Variants in COL21A1 observed in about 807,000 individuals in gnomAD.
The protein encoded by COL21A1 is collagen type XXI alpha 1 chain.
In COL21A1, 149 loss-of-function variants were observed where a neutral mutation model predicts 137.9. That is an observed-to-expected ratio of 1.08 (90% CI 0.95 to 1.24). The LOEUF is 1.24. Among genes scored for constraint, COL21A1 ranks in the 50% most tolerant of loss-of-function variants. COL21A1 has a pLI of 0.00. For missense variants in COL21A1, 1,167 were observed against 1,158.4 expected, an observed-to-expected ratio of 1.01 and a Z score of -0.11; for synonymous variants, 456 against 391.5, an observed-to-expected ratio of 1.16 and a Z score of -1.95.
chr6:56,225,227 C>T (rs1781113079), intron 1 of COL21A1, among the ~76,000 whole-genome samples: 1 of 152,038 alleles, frequency 6.6e-6, no homozygotes, highest in Non-Finnish European at 1.5e-5. Context: ...CTAAAGCAAA[C>T]AACTGCCCCT....
At chr6:56,269,563 G>A (rs1459425769) in intron 1 of COL21A1, among the ~76,000 whole-genome samples, 6 of 149,330 alleles carry the variant, frequency 4.0e-5, no homozygotes, top group African/African-American at 1.5e-4. Context: ...GCTGAGGCAG[G>A]AGAATGGCGT....
intron 1 of COL21A1, among the ~76,000 whole-genome samples, chr6:56,345,353 T>C (rs1267937572): frequency 7.0e-6 from 1 of 142,402 alleles, no homozygotes; most frequent in East Asian, 3.5e-4. Flanking sequence ...TACCCATTTG[T>C]TGAGGGTCTA....
At chr6:56,198,585 G>A (rs112885182) in intron 1 of COL21A1, among the ~76,000 whole-genome samples, 434 of 152,084 alleles carry the variant, frequency 2.9e-3, no homozygotes, top group Non-Finnish European at 4.4e-3. Context: ...GGCCAACAAG[G>A]CCTGCAGCAC....
intron 27 of COL21A1, 183 bp from the exon 28 acceptor site, chr6:56,060,401 T>C: frequency 5.2e-6 from 3 of 577,658 alleles, no homozygotes; most frequent in Non-Finnish European, 5.8e-6. Flanking sequence ...TGTGCGGTAA[T>C]TTTATTAGAG....
chr6:56,168,901 C>A (rs1043480307), intron 5 of COL21A1, among the ~76,000 whole-genome samples: 3 of 151,998 alleles, frequency 2.0e-5, no homozygotes, highest in Non-Finnish European at 4.4e-5. Context: ...GCCTGTACCT[C>A]TCCTATGTGT....
At chr6:56,104,730 C>T (rs1047749473) in intron 16 of COL21A1, among the ~76,000 whole-genome samples, 1 of 151,996 alleles carries the variant, frequency 6.6e-6, no homozygotes, top group African/African-American at 2.4e-5. Context: ...CTACAGCTAA[C>T]GTCAAAAATG....
At chr6:56,147,645 G>A (rs1774938149) in intron 10 of COL21A1, among the ~76,000 whole-genome samples, 1 of 151,532 alleles carries the variant, frequency 6.6e-6, no homozygotes, top group African/African-American at 2.4e-5. Flanking sequence ...CAATAACATT[G>A]GTGTGTATAT....
At chr6:56,128,708 G>A (rs923590316) in intron 12 of COL21A1, among the ~76,000 whole-genome samples, 1 of 152,200 alleles carries the variant, frequency 6.6e-6, no homozygotes, top group Non-Finnish European at 1.5e-5. Context: ...AGGCTGGAGT[G>A]AAGTGGTGTG....
chr6:56,150,799 T>G (rs1582491430), intron 10 of COL21A1, among the ~76,000 whole-genome samples: 1 of 152,280 alleles, frequency 6.6e-6, no homozygotes, highest in Non-Finnish European at 1.5e-5. Context: ...GGAACCATCT[T>G]CTCATTTTCC....
At chr6:56,287,741 T>C (rs925096504) in intron 1 of COL21A1, among the ~76,000 whole-genome samples, 5 of 152,090 alleles carry the variant, frequency 3.3e-5, no homozygotes, top group African/African-American at 4.8e-5. Flanking sequence ...GGAAATAAGA[T>C]TTCTAATCAA....
intron 1 of COL21A1, among the ~76,000 whole-genome samples, chr6:56,364,303 A>G (rs1766047769): frequency 6.6e-6 from 1 of 152,182 alleles, no homozygotes; most frequent in African/African-American, 2.4e-5. Flanking sequence ...ACCTTTCAGA[A>G]AAGAGGCAGG....
At chr6:56,255,893 G>T (rs1344332349) in intron 1 of COL21A1, among the ~76,000 whole-genome samples, 2 of 152,142 alleles carry the variant, frequency 1.3e-5, no homozygotes, top group African/African-American at 4.8e-5. Context: ...GCACAGGATG[G>T]GCTCCATAGG....
At chr6:56,379,165 C>A (rs912085211) in intron 1 of COL21A1, among the ~76,000 whole-genome samples, 11 of 152,202 alleles carry the variant, frequency 7.2e-5, no homozygotes, top group African/African-American at 2.7e-4. Flanking sequence ...CTTCAACGCC[C>A]AGACACAGAT....
At chr6:56,070,228 T>G (rs1766624818) in intron 21 of COL21A1, among the ~76,000 whole-genome samples, 1 of 151,546 alleles carries the variant, frequency 6.6e-6, no homozygotes, top group Non-Finnish European at 1.5e-5. Flanking sequence ...AAAGGAGGCT[T>G]TATTCTCTTT....
chr6:56,356,872 G>GA (rs70989710), intron 1 of COL21A1, among the ~76,000 whole-genome samples: 1 of 151,932 alleles, frequency 6.6e-6, no homozygotes, highest in Non-Finnish European at 1.5e-5. Flanking sequence ...AGGAGACAAT[G>GA]AAAAAAATGT....
In COL21A1 at chr6:56,057,665, T is replaced by A; in HGVS notation, c.2866A>T (p.Asn956Tyr). 6.2e-7 allele frequency: 1 copy of A among 1,612,928 alleles called. No homozygotes were observed. The highest frequency in any genetic ancestry group is 8.5e-7 in the Non-Finnish European group (1 of 1,179,518). Residue 956 changes from asparagine to tyrosine, a missense_variant, in exon 30 of 30, where the codon AAC (asparagine) becomes TAC (tyrosine). Asn to Tyr is a moderately radical substitution (Grantham distance 143). Coordinates refer to ENST00000244728, the MANE Select transcript of COL21A1 (RefSeq NM_030820.4). ...GAATGAGGCATCAGACACTAATAGT[T>A]TGGTCCTTTTCTGAACGGATCTCTT... is the stretch of plus-strand genomic sequence containing the variant. Reference protein sequence around the residue: ...ARRDPFRKGPNY With the variant: ...ARRDPFRKGPYY
chr6:56,102,362 G>A (rs1200090501), intron 16 of COL21A1, among the ~76,000 whole-genome samples: 3 of 152,180 alleles, frequency 2.0e-5, no homozygotes, highest in Non-Finnish European at 4.4e-5. Flanking sequence ...AAATCTAACA[G>A]TCATTATGAG....
chr6:56,392,148 A>G (rs2094030861), intron 1 of COL21A1, among the ~76,000 whole-genome samples: 1 of 152,200 alleles, frequency 6.6e-6, no homozygotes, highest in Non-Finnish European at 1.5e-5. Flanking sequence ...ATCACGCATC[A>G]TGATCAAGTG....
intron 14 of COL21A1, 178 bp downstream of exon 14, chr6:56,125,389 C>A: frequency 2.3e-6 from 1 of 433,276 alleles, no homozygotes. Flanking sequence ...ACATAGCAGT[C>A]TGCAGTCACC....
Sources: gnomAD v4.1 joint callset for allele counts (sites outside exome capture counted in the v4.1 genomes callset) on GRCh38, gnomAD v4.1.1 for gene constraint, MANE v1.5 for transcripts, NCBI Gene and HGNC (gene_info 2026-07-23, HGNC 2026-07-21) for gene names.